The following MAPK10 variants were observed in gnomAD, a reference collection of about 807,000 sequenced individuals.
The protein encoded by MAPK10 is JNK3 alpha protein kinase.
Under a neutral mutation model 59.3 loss-of-function variants are expected in MAPK10, and 25 were observed. That is an observed-to-expected ratio of 0.42 (90% CI 0.31 to 0.59). The LOEUF (loss-of-function observed/expected upper bound fraction) is 0.59. Ranked by LOEUF, MAPK10 falls within the 20% of genes least tolerant of loss-of-function variation. The pLI is 0.15. For missense variants in MAPK10, 351 were observed against 568.9 expected, an observed-to-expected ratio of 0.62 and a Z score of 3.90; for synonymous variants, 190 against 200.5, an observed-to-expected ratio of 0.95 and a Z score of 0.44.
chr4:86,389,588 G>A (rs1741939526), intron 1 of MAPK10, among the ~76,000 whole-genome samples: 1 of 152,120 alleles, frequency 6.6e-6, no homozygotes, highest in South Asian at 2.1e-4. Flanking sequence ...CTATAAGTTG[G>A]GACCAAGGGG....
chr4:86,358,059 A>T (rs1735406246), intron 1 of MAPK10: 1 of 984,618 alleles, frequency 1.0e-6, no homozygotes, highest in Non-Finnish European at 1.2e-6. Flanking sequence ...AGTGTGATCA[A>T]GGTAGAGAAG....
At chr4:86,524,461 CA>C in intron 1 of MAPK10, among the ~76,000 whole-genome samples, 1 of 152,290 alleles carries the variant, frequency 6.6e-6, no homozygotes, top group South Asian at 2.1e-4. Context: ...GCCCTCAATT[CA>C]GTTCTTGCAC....
intron 11 of MAPK10, among the ~76,000 whole-genome samples, chr4:86,057,799 G>T (rs1274408142): frequency 6.7e-6 from 1 of 149,848 alleles, no homozygotes; most frequent in African/African-American, 2.5e-5. Flanking sequence ...AGATAAAAAA[G>T]GAAGAAATAA....
intron 1 of MAPK10, among the ~76,000 whole-genome samples, chr4:86,433,488 C>T (rs1351739402): frequency 6.6e-6 from 1 of 151,030 alleles, no homozygotes; most frequent in African/African-American, 2.4e-5. Flanking sequence ...CACATTCTTG[C>T]TTAACTTTTT....
At chr4:86,070,806 G>C (rs2047752567) in intron 9 of MAPK10, among the ~76,000 whole-genome samples, 3 of 151,752 alleles carry the variant, frequency 2.0e-5, no homozygotes, top group South Asian at 2.1e-4. Context: ...GGACATTTGG[G>C]TTGGTTCCAA....
chr4:86,021,602 G>A (rs2148898009), intron 13 of MAPK10, among the ~76,000 whole-genome samples: 1 of 152,352 alleles, frequency 6.6e-6, no homozygotes. Context: ...TGCGCTGTGC[G>A]CTCGCATTCC....
chr4:86,323,697 A>G lies in MAPK10; in HGVS notation c.-7+30833T>C, dbSNP rs147344438. Among the ~76,000 whole-genome samples, 1,475 of 152,332 alleles carry G rather than the reference A, an allele frequency of 9.7e-3. 23 individuals are homozygous for G. The highest frequency in any genetic ancestry group is 0.033 in the African/African-American group (1,372 of 41,560). ...TTAGTGCCTGGAAAGAAGATCCAAT[A>G]TAATAATAGCATTATCAAAAATTAT... On this transcript the variant is annotated intron_variant, in intron 2 of 13. Coordinates refer to ENST00000641462, the MANE Select transcript of MAPK10 (RefSeq NM_138982.4).
Position 86,011,339 on chromosome 4 carries a change from GAA to G in MAPK10, c.*5887_*5888del, listed in dbSNP as rs1015553911. ...AAGCATGCCTTTCAACATCTGTGGA[GAA>G]AAGACATGTTACAAATACAAAACAC... On this transcript the variant is annotated 3_prime_UTR_variant, in exon 14 of 14. Transcript: ENST00000641462. 4 of 152,204 alleles carry G rather than the reference GAA, an allele frequency of 2.6e-5. No homozygotes were observed. The highest frequency in any genetic ancestry group is 9.7e-5 in the African/African-American group (4 of 41,442). The allele number at this position is 152,204 out of a possible 1,614,324, so 9.4% of individuals were successfully genotyped here.
At chr4:86,499,531 T>C (rs561870847) in intron 1 of MAPK10, among the ~76,000 whole-genome samples, 2 of 152,334 alleles carry the variant, frequency 1.3e-5, no homozygotes, top group South Asian at 4.1e-4. Context: ...AATGTGTATA[T>C]TGTTCAGTCA....
intron 1 of MAPK10, among the ~76,000 whole-genome samples, chr4:86,470,049 C>G (rs1752536937): frequency 6.6e-6 from 1 of 152,102 alleles, no homozygotes; most frequent in Non-Finnish European, 1.5e-5. Flanking sequence ...TCCTTTAGAC[C>G]AAAAGTAAAC....
In MAPK10 at chr4:86,161,753, G is replaced by C. The variant is rs114571592; in HGVS notation, c.67-2286C>G. Among the ~76,000 whole-genome samples, 872 of 152,126 alleles carry C rather than the reference G, an allele frequency of 5.7e-3. 9 individuals are homozygous for C. The highest frequency in any genetic ancestry group is 0.02 in the African/African-American group (838 of 41,526). On this transcript the variant is annotated intron_variant, in intron 3 of 13. Coordinates refer to ENST00000641462, the MANE Select transcript of MAPK10 (RefSeq NM_138982.4). The stretch of plus-strand genomic sequence containing the variant: ...CTTACTTATTCCCTTCACTTTGGAA[G>C]TGTGGCTTTCTCAACTGTATTGCAT...
chr4:86,133,178 T>C (rs921440455), intron 4 of MAPK10, among the ~76,000 whole-genome samples: 3 of 152,246 alleles, frequency 2.0e-5, no homozygotes, highest in Non-Finnish European at 2.9e-5. Flanking sequence ...GTATGGAAGA[T>C]ACTGAATTTC....
At chr4:86,354,914 T>G (rs1733621869) in intron 1 of MAPK10, among the ~76,000 whole-genome samples, 1 of 152,166 alleles carries the variant, frequency 6.6e-6, no homozygotes, top group Non-Finnish European at 1.5e-5. Flanking sequence ...TCTTGTGATA[T>G]GAATTTGGTT....
intron 1 of MAPK10, among the ~76,000 whole-genome samples, chr4:86,379,533 G>A (rs945631370): frequency 2.6e-5 from 4 of 152,160 alleles, no homozygotes; most frequent in Non-Finnish European, 5.9e-5. Flanking sequence ...AAGGTTGTGG[G>A]TTTACCGGAA....
chr4:86,215,366 A>G (rs561348781), intron 2 of MAPK10, among the ~76,000 whole-genome samples: 3 of 152,368 alleles, frequency 2.0e-5, no homozygotes, highest in East Asian at 1.9e-4. Context: ...TTTCTTGGAT[A>G]TAACATGAAA....
At chr4:86,109,626 A>G (rs1248051397) in intron 4 of MAPK10, among the ~76,000 whole-genome samples, 2 of 152,212 alleles carry the variant, frequency 1.3e-5, no homozygotes, top group African/African-American at 4.8e-5. Context: ...TTCTTTATCC[A>G]GTCTATCATT....
intron 8 of MAPK10, chr4:86,100,672 C>A (rs1413333224): frequency 1.2e-5 from 2 of 160,880 alleles, no homozygotes; most frequent in Admixed American, 1.2e-4. Flanking sequence ...AACATAAAAG[C>A]CACATGGCTA....
intron 1 of MAPK10, among the ~76,000 whole-genome samples, chr4:86,402,540 C>A (rs987958457): frequency 1.3e-5 from 2 of 152,114 alleles, no homozygotes; most frequent in Non-Finnish European, 2.9e-5. Context: ...AAGAGGAAAT[C>A]CCTTATAATT....
chr4:86,423,076 A>C (rs1036372357), intron 1 of MAPK10, among the ~76,000 whole-genome samples: 2 of 152,150 alleles, frequency 1.3e-5, no homozygotes, highest in Non-Finnish European at 2.9e-5. Context: ...TGGTAGTTAT[A>C]TTCCCTTTAT....
Sources: gnomAD v4.1 joint callset for allele counts (sites outside exome capture counted in the v4.1 genomes callset) on GRCh38, gnomAD v4.1.1 for gene constraint, MANE v1.5 for transcripts, NCBI Gene and HGNC (gene_info 2026-07-23, HGNC 2026-07-21) for gene names.